Variants in OBI1 observed in about 807,000 individuals in gnomAD.
The protein encoded by OBI1 is ring finger protein 219.
Under a neutral mutation model 62.4 loss-of-function variants are expected in OBI1, and 59 were observed. The ratio of observed to expected loss-of-function variants is 0.95; its 90% CI spans 0.77 to 1.17. OBI1 has a LOEUF of 1.17. Among genes scored for constraint, OBI1 ranks in the 50% most tolerant of loss-of-function variants. OBI1 has a pLI of 0.00. For missense variants in OBI1, 875 were observed against 830.9 expected (o/e 1.05, Z -0.65); for synonymous variants, 302 against 292.8 (o/e 1.03, Z -0.32).
chr13:78,641,615 T>A (rs1876217487), intron 3 of OBI1, among the ~76,000 whole-genome samples: 1 of 152,156 alleles, frequency 6.6e-6, no homozygotes, highest in Non-Finnish European at 1.5e-5. Flanking sequence ...GGAAACAGCA[T>A]GTTTCACACT....
chr13:78,620,932 T>G (rs1216981775), intron 5 of OBI1, among the ~76,000 whole-genome samples: 1 of 152,212 alleles, frequency 6.6e-6, no homozygotes, highest in Admixed American at 6.5e-5. Flanking sequence ...TGGTTCTCAA[T>G]GGCAATTCCA....
Position 78,630,876 on chromosome 13 carries a change from T to C in OBI1, c.638+4234A>G, listed in dbSNP as rs138061781. Among the ~76,000 whole-genome samples, 79 of 152,334 alleles carry C rather than the reference T, an allele frequency of 5.2e-4. 2 individuals carry two copies. The Middle Eastern group carries it at 0.031, about 59-fold the overall frequency. On this transcript the variant is annotated intron_variant, in intron 5 of 5. Coordinates refer to ENST00000282003, the MANE Select transcript of OBI1 (RefSeq NM_024546.4). ...TAAATGGTGTTTTCTTAAGTAATCA[T>C]GATACCTAAACAAAATTAAGAGTGA...
chr13:78,654,029 G>GAA (rs11421042), intron 1 of OBI1, among the ~76,000 whole-genome samples: 2,981 of 133,418 alleles, frequency 0.022, 38 homozygotes, highest in Middle Eastern at 0.03. Flanking sequence ...ATAACTTAAG[G>GAA]AAAAAAAAAA....
At chr13:78,625,667 A>C (rs1875644896) in intron 5 of OBI1, among the ~76,000 whole-genome samples, 1 of 152,178 alleles carries the variant, frequency 6.6e-6, no homozygotes, top group South Asian at 2.1e-4. Context: ...TCTATCCCCA[A>C]TTAAGTGAAT....
rs773449236 is a variant in OBI1 at position 78,659,135 on chromosome 13, T to G, written c.-15A>C. On this transcript the variant is annotated 5_prime_UTR_variant, in exon 1 of 6. Coordinates refer to ENST00000282003, the MANE Select transcript of OBI1 (RefSeq NM_024546.4). ...GTCTGAGCCATGGCAGCGTTCAGAA[T>G]CCCGCCAACACGGAAGTCCCGCCGA... is the stretch of plus-strand genomic sequence containing the variant. 6.2e-6 allele frequency: 10 copies of G among 1,604,484 alleles called. No individual in the cohort carries two copies. The highest frequency in any genetic ancestry group is 4.3e-6 in the Non-Finnish European group (5 of 1,175,804).
chr13:78,617,073 C>T lies in OBI1; in HGVS notation c.688G>A (p.Glu230Lys), dbSNP rs200392504. The change falls in exon 6 of 6, where the codon GAG becomes AAG. Residue 230 changes from glutamate (E) to lysine (K), a missense_variant. Transcript: ENST00000282003. ...TTCTTGAGGCGATTGGTTTCACGCT[C>T]ATACTGTTCTACTTTGGACTGAAGA... ...AALQSKVEQY[E>K]RETNRLKKAL... 191 of 1,605,712 alleles carry T rather than the reference C, an allele frequency of 1.2e-4. 1 individual carries two copies. The highest frequency in any genetic ancestry group is 1.7e-4 in the Middle Eastern group (1 of 6,010).
At chr13:78,656,437 C>T (rs9601111) in intron 1 of OBI1, among the ~76,000 whole-genome samples, 39,222 of 151,500 alleles carry the variant, frequency 0.26, 5,411 homozygotes, top group East Asian at 0.32. Flanking sequence ...ACAAAATTTG[C>T]CGGGCGTGGT....
chr13:78,635,061 T>C, intron 5 of OBI1, 49 bp downstream of exon 5: 1 of 1,160,026 alleles, frequency 8.6e-7, no homozygotes, highest in East Asian at 2.5e-5. Flanking sequence ...CAGCCTAGTC[T>C]AAAATATTGA....
chr13:78,640,350 C>T (rs1309537132), intron 3 of OBI1, among the ~76,000 whole-genome samples: 2 of 152,098 alleles, frequency 1.3e-5, no homozygotes, highest in Admixed American at 6.5e-5. Flanking sequence ...TCTTTCCATA[C>T]ATTTTAAGTC....
Position 78,644,892 on chromosome 13 carries a change from T to G in OBI1, c.178A>C (p.Thr60Pro), listed in dbSNP as rs1366819982. 1 of 1,613,776 alleles carries G rather than the reference T, an allele frequency of 6.2e-7. No homozygotes were observed. The highest frequency in any genetic ancestry group is 8.5e-7 in the Non-Finnish European group (1 of 1,179,926). ...SQCPACRVPI[T>P]PENPCKEIIG... ...ATTTCTTTGCAAGGATTTTCAGGAGTGATGGGGACTCTGCAAGCTGGACAC... is the reference window on the plus strand; with the variant it reads ...ATTTCTTTGCAAGGATTTTCAGGAGGGATGGGGACTCTGCAAGCTGGACAC... Residue 60 changes from threonine (T) to proline (P), a missense_variant, in exon 2 of 6, where the codon ACT (threonine) becomes CCT (proline). Transcript: ENST00000282003.
chr13:78,623,964 C>A (rs1361903489), intron 5 of OBI1, among the ~76,000 whole-genome samples: 1 of 152,068 alleles, frequency 6.6e-6, no homozygotes, highest in Non-Finnish European at 1.5e-5. Flanking sequence ...AAATATTTAA[C>A]CAGAGATATA....
chr13:78,651,880 T>G (rs934391135), intron 1 of OBI1, among the ~76,000 whole-genome samples: 1 of 152,186 alleles, frequency 6.6e-6, no homozygotes, highest in Admixed American at 6.5e-5. Context: ...TGAATTTTGA[T>G]GTACTATAAT....
intron 1 of OBI1, among the ~76,000 whole-genome samples, chr13:78,656,659 T>C (rs1876710265): frequency 7.8e-6 from 1 of 128,058 alleles, no homozygotes; most frequent in African/African-American, 2.9e-5. Context: ...GTAGATTAGA[T>C]TAGAACCCGG....
intron 1 of OBI1, among the ~76,000 whole-genome samples, chr13:78,656,767 A>T (rs1593804433): frequency 1.1e-4 from 12 of 106,466 alleles, no homozygotes; most frequent in South Asian, 6.3e-4. Context: ...AAAATCCTTA[A>T]TTAATTAATT....
At chr13:78,619,625 G>A (rs1285289037) in intron 5 of OBI1, among the ~76,000 whole-genome samples, 2 of 152,140 alleles carry the variant, frequency 1.3e-5, no homozygotes, top group Non-Finnish European at 2.9e-5. Flanking sequence ...CTGGTTGGCA[G>A]ACTGACAGAA....
intron 5 of OBI1, among the ~76,000 whole-genome samples, chr13:78,629,695 A>G (rs1213415794): frequency 1.3e-5 from 2 of 152,140 alleles, no homozygotes; most frequent in East Asian, 3.9e-4. Flanking sequence ...TCCAGTACTT[A>G]AGTGTTCCCT....
intron 1 of OBI1, among the ~76,000 whole-genome samples, chr13:78,648,527 A>G (rs1365655502): frequency 2.0e-5 from 3 of 152,032 alleles, no homozygotes; most frequent in African/African-American, 7.3e-5. Context: ...CAATCTTTCC[A>G]TAAAAAAAAA....
chr13:78,649,970 C>A (rs1414095112), intron 1 of OBI1, among the ~76,000 whole-genome samples: 1 of 152,136 alleles, frequency 6.6e-6, no homozygotes, highest in African/African-American at 2.4e-5. Context: ...TTTGAGAAGA[C>A]AGGAGAATAA....
intron 1 of OBI1, among the ~76,000 whole-genome samples, 184 bp downstream of exon 1, chr13:78,658,865 C>T (rs972755897): frequency 2.0e-5 from 3 of 152,174 alleles, no homozygotes; most frequent in Admixed American, 6.5e-5. Context: ...CCAGATGAAT[C>T]CATTAATCAC....
Sources: allele counts gnomAD v4.1 joint callset (sites outside exome capture counted in the v4.1 genomes callset), GRCh38; gene constraint gnomAD v4.1.1; transcripts MANE v1.5; gene names NCBI Gene and HGNC (gene_info 2026-07-23, HGNC 2026-07-21).